The following AMPH variants were observed in gnomAD, a reference collection of about 807,000 sequenced individuals.
AMPH encodes amphiphysin (Stiff-Mann syndrome with breast cancer 128kD autoantigen).
A neutral mutation model predicts 99.1 loss-of-function variants in AMPH; 49 were observed. The ratio of observed to expected loss-of-function variants is 0.49; its 90% confidence interval spans 0.39 to 0.63. The LOEUF (loss-of-function observed/expected upper bound fraction) is 0.63, where lower values mean the gene tolerates loss of function less well. AMPH is among the 20% of genes least tolerant of loss of function. The pLI is 0.00. For missense variants in AMPH, 759 were observed against 863.4 expected, an observed-to-expected ratio of 0.88 and a Z score of 1.52; for synonymous variants, 314 against 317.3, an observed-to-expected ratio of 0.99 and a Z score of 0.11.
rs559536617 is a variant in AMPH, at chr7:38,384,913, G to A, written c.1993C>T (p.Leu665=). 2 of 1,613,480 alleles carry A rather than the reference G, an allele frequency of 1.2e-6. No individual in the cohort carries two copies. Among genetic ancestry groups the A allele is most frequent in the East Asian group, 2.2e-5 (1 of 44,866 alleles). The change falls in exon 21 of 21, where the codon CTG becomes TTG. Residue 665 remains leucine, a synonymous_variant. Coordinates refer to ENST00000356264, the MANE Select transcript of AMPH (RefSeq NM_001635.4). ...DSEADQDAGW[L]VGVKESDWLQ... ...CAGTCTGATTCCTTCACTCCCACCA[G>A]CCAGCCTGCATCCTGAAAAACAATG...
At chr7:38,546,158 C>T (rs1294227011) in intron 1 of AMPH, among the ~76,000 whole-genome samples, 1 of 152,162 alleles carries the variant, frequency 6.6e-6, no homozygotes, top group African/African-American at 2.4e-5. Context: ...CGGAAGGTAG[C>T]AGAGAGATGC....
rs146713337 is a variant in AMPH, at chr7:38,562,792, C to T, written c.70-27781G>A. Among the ~76,000 whole-genome samples the T allele has an allele frequency of 2.7e-3, 405 of 152,210 alleles. 2 individuals are homozygous for T. Among genetic ancestry groups the T allele is most frequent in the African/African-American group, 7.3e-3 (302 of 41,544 alleles). On this transcript the variant is annotated intron_variant, in intron 1 of 20. Coordinates refer to ENST00000356264, the MANE Select transcript of AMPH (RefSeq NM_001635.4). ...AGAATATTGCAGCTAAAGGAATAAA[C>T]AAACAAAAATCAGCAATGCAAGGAG...
At chr7:38,560,582 G>A (rs1394615587) in intron 1 of AMPH, among the ~76,000 whole-genome samples, 2 of 152,250 alleles carry the variant, frequency 1.3e-5, no homozygotes, top group East Asian at 3.9e-4. Flanking sequence ...ACGTAACTTG[G>A]GCCACATTCC....
chr7:38,554,358 A>G (rs953195906), intron 1 of AMPH, among the ~76,000 whole-genome samples: 15 of 152,186 alleles, frequency 9.9e-5, no homozygotes, highest in Non-Finnish European at 1.9e-4. Flanking sequence ...GGCTAAAATC[A>G]GTAAATGAGC....
intron 1 of AMPH, among the ~76,000 whole-genome samples, chr7:38,564,736 T>A (rs1015105710): frequency 6.6e-6 from 1 of 152,194 alleles, no homozygotes; most frequent in African/African-American, 2.4e-5. Flanking sequence ...TTCTCAGGCA[T>A]CCTTCTGAAT....
chr7:38,531,863 T>A (rs943612455), intron 2 of AMPH, among the ~76,000 whole-genome samples: 1 of 152,218 alleles, frequency 6.6e-6, no homozygotes, highest in Non-Finnish European at 1.5e-5. Context: ...GATTAGATAA[T>A]GCCTTTAGAG....
chr7:38,602,021 C>T (rs769506799), intron 1 of AMPH, among the ~76,000 whole-genome samples: 12 of 152,144 alleles, frequency 7.9e-5, no homozygotes, highest in Non-Finnish European at 1.3e-4. Context: ...TGGATCTAAA[C>T]GCCCTAAGGA....
intron 16 of AMPH, among the ~76,000 whole-genome samples, chr7:38,422,014 CA>C (rs1270027946): frequency 2.6e-5 from 4 of 152,172 alleles, no homozygotes; most frequent in Non-Finnish European, 4.4e-5. Context: ...CTACCTCTCA[CA>C]AAGTGGAGGG....
intron 3 of AMPH, among the ~76,000 whole-genome samples, chr7:38,497,710 G>A (rs1182246546): frequency 1.3e-5 from 2 of 152,334 alleles, no homozygotes; most frequent in South Asian, 2.1e-4. Context: ...CCATTGCTTA[G>A]ACGAGAGCTG....
At chr7:38,594,728 A>G (rs1188587911) in intron 1 of AMPH, among the ~76,000 whole-genome samples, 1 of 151,984 alleles carries the variant, frequency 6.6e-6, no homozygotes, top group Non-Finnish European at 1.5e-5. Flanking sequence ...TTACATGTAT[A>G]GTTTAAAAAA....
chr7:38,421,918 C>T (rs1178226941), intron 16 of AMPH, among the ~76,000 whole-genome samples: 1 of 152,172 alleles, frequency 6.6e-6, no homozygotes, highest in Non-Finnish European at 1.5e-5. Context: ...ATTTCTATTT[C>T]TTACTCATCC....
At chr7:38,524,506 G>A (rs1014933870) in intron 2 of AMPH, among the ~76,000 whole-genome samples, 4 of 152,110 alleles carry the variant, frequency 2.6e-5, no homozygotes, top group African/African-American at 4.8e-5. Flanking sequence ...ATGGTAATAC[G>A]GGATCAAAGG....
rs144648731 is a variant in AMPH at position 38,608,887 on chromosome 7, G to T, written c.69+22396C>A. 3.4e-3 allele frequency among the ~76,000 whole-genome samples: 516 copies of T among 152,332 alleles called. 5 individuals carry two copies. The highest frequency in any genetic ancestry group is 6.8e-3 in the Middle Eastern group (2 of 294). The stretch of plus-strand genomic sequence containing the variant: ...CCTACAGAAGAATTAGGGCAAAGGA[G>T]ATATGAGAGTTCTAAGCAACACAAC... On this transcript the variant is annotated intron_variant, in intron 1 of 20. Coordinates refer to ENST00000356264, the MANE Select transcript of AMPH (RefSeq NM_001635.4).
intron 2 of AMPH, among the ~76,000 whole-genome samples, chr7:38,532,447 T>C (rs1020601820): frequency 6.6e-6 from 1 of 152,214 alleles, no homozygotes; most frequent in African/African-American, 2.4e-5. Flanking sequence ...CTTGTTCAAA[T>C]TTCCCCAAGT....
At chr7:38,529,344 T>C (rs1790308375) in intron 2 of AMPH, among the ~76,000 whole-genome samples, 1 of 152,146 alleles carries the variant, frequency 6.6e-6, no homozygotes, top group Non-Finnish European at 1.5e-5. Context: ...CTTGCATGAG[T>C]AGATACAATG....
chr7:38,473,422 A>AATGTAAGAGCAAAAAAGTAATATCT (rs1554343316), intron 7 of AMPH, among the ~76,000 whole-genome samples: 8 of 130,494 alleles, frequency 6.1e-5, no homozygotes, highest in Admixed American at 1.7e-4. Context: ...TATTCCATGA[A>AATGTAAGAGCAAAAAAGTAATATCT]GGCCGGGCGC....
chr7:38,605,811 A>C (rs984839882), intron 1 of AMPH, among the ~76,000 whole-genome samples: 1 of 151,930 alleles, frequency 6.6e-6, no homozygotes, highest in African/African-American at 2.4e-5. Flanking sequence ...CAAACTTCTG[A>C]CCTCAGGTGA....
chr7:38,595,189 A>G (rs1793008278), intron 1 of AMPH, among the ~76,000 whole-genome samples: 1 of 152,176 alleles, frequency 6.6e-6, no homozygotes, highest in African/African-American at 2.4e-5. Context: ...TGGGGACACA[A>G]GCAAACTGCT....
At position 38,461,307 on chromosome 7, in the gene AMPH, T is replaced by C; in HGVS notation, c.993A>G (p.Glu331=). Residue 331 remains glutamate (E), a synonymous_variant, in exon 11 of 21, where the codon GAA becomes GAG. Transcript: ENST00000356264. ...ISFFEDNFVP[E]ISVTTPSQNE... is the part of the protein sequence containing the mutation. ...CCTGGGAAGGTGTTGTCACACTGAT[T>C]TCTGGAACAAAGTTGTCCTCAAAGA... is the stretch of plus-strand genomic sequence containing the variant. 1 of 1,614,048 alleles carries C rather than the reference T, an allele frequency of 6.2e-7. No homozygotes were observed. Among genetic ancestry groups the C allele is most frequent in the South Asian group, 1.1e-5 (1 of 91,070 alleles).
Sources: gnomAD v4.1 joint callset for allele counts (sites outside exome capture counted in the v4.1 genomes callset) on GRCh38, gnomAD v4.1.1 for gene constraint, MANE v1.5 for transcripts, NCBI Gene and HGNC (gene_info 2026-07-23, HGNC 2026-07-21) for gene names.